RAI14: variants seen among roughly 807,000 people sequenced by gnomAD.
The protein encoded by RAI14 is retinoic acid induced 14.
Under a neutral mutation model 115.4 loss-of-function variants are expected in RAI14, and 45 were observed. The observed-to-expected ratio is 0.39, with a 90% CI of 0.31 to 0.50. The LOEUF is 0.50. RAI14 is among the 20% of genes least tolerant of loss of function. The pLI is 0.85. For missense variants in RAI14, 939 were observed against 1,131.2 expected, an observed-to-expected ratio of 0.83 and a Z score of 2.44; for synonymous variants, 371 against 415.4, an observed-to-expected ratio of 0.89 and a Z score of 1.30.
chr5:34,775,091 A>G (rs1374147464), intron 3 of RAI14, among the ~76,000 whole-genome samples: 1 of 152,200 alleles, frequency 6.6e-6, no homozygotes. Flanking sequence ...CTAGACCCCT[A>G]TCTCTTGCCA....
At chr5:34,753,307 C>A (rs1177622535) in intron 2 of RAI14, among the ~76,000 whole-genome samples, 1 of 152,110 alleles carries the variant, frequency 6.6e-6, no homozygotes, top group African/African-American at 2.4e-5. Context: ...ATTTATTTGA[C>A]CAGCTCTACT....
At position 34,742,200 on chromosome 5, in the gene RAI14, G is replaced by T. The variant is rs374731059; in HGVS notation, c.37-15268G>T. Reference sequence around the variant, plus strand: ...CAAGGCAAGGGGCTTATGACTCGGGGCTCAGCAAGCCTGGTTCAGGTCCTT... The same window carrying T: ...CAAGGCAAGGGGCTTATGACTCGGGTCTCAGCAAGCCTGGTTCAGGTCCTT... On this transcript the variant is annotated intron_variant, in intron 2 of 17. Coordinates refer to ENST00000265109, the MANE Select transcript of RAI14 (RefSeq NM_015577.3). 4.7e-4 allele frequency among the ~76,000 whole-genome samples: 72 copies of T among 152,276 alleles called. No homozygotes were observed. In the South Asian group the frequency reaches 0.015, roughly 32 times the overall value.
At chr5:34,741,904 A>G (rs1745564959) in intron 2 of RAI14, among the ~76,000 whole-genome samples, 1 of 152,204 alleles carries the variant, frequency 6.6e-6, no homozygotes, top group African/African-American at 2.4e-5. Flanking sequence ...AACCTCTTCC[A>G]TGGTTTTATG....
At chr5:34,699,428 A>C (rs1739757900) in intron 2 of RAI14, among the ~76,000 whole-genome samples, 1 of 152,110 alleles carries the variant, frequency 6.6e-6, no homozygotes, top group South Asian at 2.1e-4. Context: ...GTTTGCTGGC[A>C]ATCTTTGGTG....
intron 1 of RAI14, among the ~76,000 whole-genome samples, chr5:34,679,349 G>C (rs1194479910): frequency 1.3e-5 from 2 of 152,192 alleles, no homozygotes; most frequent in South Asian, 4.1e-4. Context: ...ATTCATTCAG[G>C]CAGTGCAAAG....
In RAI14 at chr5:34,823,831, G is replaced by A. The variant is rs751112900; in HGVS notation, c.1989G>A (p.Arg663=). ...KEAQAELEDY[R]KRKSLEDVTA... is the part of the protein sequence containing the mutation. ...CCCAGGCTGAGCTGGAGGATTACAG[G>A]AAGAGGAAATCTCTAGAGGATGTCA... The change falls in exon 15 of 18, where the codon AGG becomes AGA. Residue 663 remains arginine, a synonymous_variant. Coordinates refer to ENST00000265109, the MANE Select transcript of RAI14 (RefSeq NM_015577.3). This position sits in a 1 kb window ranked among gnomAD's most constrained non-coding sequence, Gnocchi z 4.5. 6.2e-7 allele frequency: 1 copy of A among 1,614,134 alleles called. No individual in the cohort carries two copies. The highest frequency in any genetic ancestry group is 8.5e-7 in the Non-Finnish European group (1 of 1,179,980).
intron 1 of RAI14, among the ~76,000 whole-genome samples, chr5:34,683,700 G>A (rs958956013): frequency 6.6e-6 from 1 of 151,796 alleles, no homozygotes; most frequent in Non-Finnish European, 1.5e-5. Context: ...ACAAGAAGGG[G>A]GAAGGAATTA....
At chr5:34,705,651 T>C (rs913534894) in intron 2 of RAI14, among the ~76,000 whole-genome samples, 2 of 152,098 alleles carry the variant, frequency 1.3e-5, no homozygotes, top group Non-Finnish European at 1.5e-5. Flanking sequence ...TCCTTTTTTC[T>C]TTTTATTTTT....
Position 34,780,701 on chromosome 5 carries a change from A to G in RAI14, c.168-15238A>G, listed in dbSNP as rs1201300091. Reference sequence around the variant, plus strand: ...CCATCTCACACCAGTTAGAATGGCAATCATTAAAAAGTCAGGAAACAGGTG... The same window carrying G: ...CCATCTCACACCAGTTAGAATGGCAGTCATTAAAAAGTCAGGAAACAGGTG... On this transcript the variant is annotated intron_variant, in intron 3 of 17. Coordinates refer to ENST00000265109, the MANE Select transcript of RAI14 (RefSeq NM_015577.3). Among the ~76,000 whole-genome samples, 6 of 152,324 alleles carry G rather than the reference A, an allele frequency of 3.9e-5. No individual in the cohort carries two copies. In the East Asian group the frequency reaches 1.2e-3, roughly 29 times the overall value.
At position 34,783,737 on chromosome 5, in the gene RAI14, G is replaced by A. The variant is rs192716833; in HGVS notation, c.168-12202G>A. On this transcript the variant is annotated intron_variant, in intron 3 of 17. Transcript: ENST00000265109. ...GGAGAGATTCATTCTTTCCACTATG[G>A]CTTGTCCTTGAGAATTATATGGGAT... is the stretch of plus-strand genomic sequence containing the variant. Among the ~76,000 whole-genome samples the A allele has an allele frequency of 2.1e-3, 321 of 152,236 alleles. 2 individuals carry two copies. The highest frequency in any genetic ancestry group is 7.4e-3 in the African/African-American group (309 of 41,558).
intron 4 of RAI14, among the ~76,000 whole-genome samples, chr5:34,800,634 T>C (rs1754145226): frequency 6.6e-6 from 1 of 152,194 alleles, no homozygotes; most frequent in South Asian, 2.1e-4. Flanking sequence ...TGAAAAATAC[T>C]TTTCTGCTGC....
chr5:34,767,031 A>G (rs1317050192), intron 3 of RAI14, among the ~76,000 whole-genome samples: 1 of 152,168 alleles, frequency 6.6e-6, no homozygotes, highest in Non-Finnish European at 1.5e-5. Context: ...ACCTCCTGCC[A>G]TGATTCTGAG....
intron 1 of RAI14, among the ~76,000 whole-genome samples, chr5:34,672,537 T>C (rs577805920): frequency 1.3e-5 from 2 of 152,306 alleles, no homozygotes; most frequent in Admixed American, 6.5e-5. Context: ...GAGTTTGTCT[T>C]TATCAGGCAG....
intron 4 of RAI14, among the ~76,000 whole-genome samples, chr5:34,802,068 G>C (rs1168117226): frequency 2.0e-5 from 3 of 152,088 alleles, no homozygotes; most frequent in African/African-American, 7.2e-5. Context: ...AAAAGAAATT[G>C]TTCCTCGAAG....
intron 2 of RAI14, among the ~76,000 whole-genome samples, chr5:34,739,164 A>G (rs946482966): frequency 2.6e-5 from 4 of 152,206 alleles, no homozygotes; most frequent in African/African-American, 9.7e-5. Context: ...ACACTTACTG[A>G]ATGTTTACCC....
intron 1 of RAI14, chr5:34,657,175 G>A (rs182200024): frequency 0.011 from 1,665 of 151,944 alleles, 16 homozygotes; most frequent in Non-Finnish European, 0.019. Flanking sequence ...CCGGGACTTC[G>A]GGAGTAAGGA....
intron 3 of RAI14, among the ~76,000 whole-genome samples, chr5:34,783,594 G>T (rs1011098182): frequency 2.6e-5 from 4 of 152,194 alleles, no homozygotes; most frequent in Non-Finnish European, 4.4e-5. Context: ...GCTGCTGACA[G>T]CATCTGGCCT....
chr5:34,727,102 C>T (rs1391305865), intron 2 of RAI14, among the ~76,000 whole-genome samples: 1 of 152,106 alleles, frequency 6.6e-6, no homozygotes, highest in Non-Finnish European at 1.5e-5. Context: ...TGGCTTTGAC[C>T]AAAATGCTGA....
intron 1 of RAI14, chr5:34,667,197 A>G (rs1743282157): frequency 6.6e-6 from 1 of 152,146 alleles, no homozygotes; most frequent in Non-Finnish European, 1.5e-5. Flanking sequence ...TATAATTGTT[A>G]TTTGGAATTG....
Sources: allele counts gnomAD v4.1 joint callset (sites outside exome capture counted in the v4.1 genomes callset), GRCh38; gene constraint gnomAD v4.1.1; non-coding constraint Gnocchi (gnomAD v3.1); transcripts MANE v1.5; gene names NCBI Gene and HGNC (gene_info 2026-07-23, HGNC 2026-07-21).